STIM1: variants seen among roughly 807,000 people sequenced by gnomAD.
STIM1 encodes the protein stromal interaction molecule 1.
In STIM1, 25 loss-of-function variants were observed where a neutral mutation model predicts 74.7. The observed-to-expected ratio is 0.33, with a 90% CI of 0.24 to 0.47. The LOEUF (loss-of-function observed/expected upper bound fraction) is 0.47. Ranked by LOEUF, STIM1 falls within the 20% of genes least tolerant of loss-of-function variation. The probability of loss-of-function intolerance (pLI) is 1.00; values close to 1 mark genes in which losing one functional copy is unlikely to be tolerated. For missense variants in STIM1, 728 were observed against 920.8 expected (o/e 0.79, Z 2.71); for synonymous variants, 328 against 348.8 (o/e 0.94, Z 0.66).
At chr11:3,885,849 G>A (rs1467623652) in intron 1 of STIM1, among the ~76,000 whole-genome samples, 1 of 152,108 alleles carries the variant, frequency 6.6e-6, no homozygotes, top group African/African-American at 2.4e-5. Flanking sequence ...TGTTGCCCAC[G>A]CTGGTGTCAA....
At chr11:3,857,126 C>G (rs1292990430) in intron 1 of STIM1, among the ~76,000 whole-genome samples, 2 of 80,064 alleles carry the variant, frequency 2.5e-5, no homozygotes, top group Non-Finnish European at 5.1e-5. Context: ...TTTTTTTTCC[C>G]TGAGTCTGCT....
intron 3 of STIM1, among the ~76,000 whole-genome samples, chr11:4,047,715 G>A (rs902485840): frequency 1.3e-5 from 2 of 152,112 alleles, no homozygotes; most frequent in Admixed American, 1.3e-4. Flanking sequence ...AGCTACTCAG[G>A]AAGCTGAGGC....
chr11:4,043,668 A>G (rs541132449), intron 3 of STIM1, among the ~76,000 whole-genome samples: 2 of 152,294 alleles, frequency 1.3e-5, no homozygotes, highest in Non-Finnish European at 2.9e-5. Flanking sequence ...ACATATACGT[A>G]TATTGGCAAT....
intron 1 of STIM1, among the ~76,000 whole-genome samples, chr11:3,966,535 A>G (rs2093342398): frequency 6.6e-6 from 1 of 152,186 alleles, no homozygotes; most frequent in Non-Finnish European, 1.5e-5. Flanking sequence ...TCTATTGCCT[A>G]GGAAGTTAAG....
intron 1 of STIM1, among the ~76,000 whole-genome samples, chr11:3,939,948 G>T (rs1230366178): frequency 6.6e-6 from 1 of 152,142 alleles, no homozygotes; most frequent in African/African-American, 2.4e-5. Flanking sequence ...GTTCCCTAAG[G>T]AGTGGGAAGG....
At chr11:3,861,141 C>T (rs1275615932) in intron 1 of STIM1, among the ~76,000 whole-genome samples, 1 of 151,676 alleles carries the variant, frequency 6.6e-6, no homozygotes, top group African/African-American at 2.4e-5. Context: ...GCTGGATGAT[C>T]ATTAGGCAGA....
intron 3 of STIM1, among the ~76,000 whole-genome samples, chr11:4,030,544 T>C (rs2094041207): frequency 6.6e-6 from 1 of 152,172 alleles, no homozygotes; most frequent in African/African-American, 2.4e-5. Context: ...AAAAATTATT[T>C]TTCTAAGTTA....
intron 3 of STIM1, among the ~76,000 whole-genome samples, chr11:4,036,794 AT>A (rs2094106870): frequency 6.6e-6 from 1 of 152,236 alleles, no homozygotes; most frequent in South Asian, 2.1e-4. Flanking sequence ...ATTTTCTCCC[AT>A]TCTGTACCAT....
chr11:4,008,155 G>T (rs1296995394), intron 2 of STIM1, among the ~76,000 whole-genome samples: 1 of 151,976 alleles, frequency 6.6e-6, no homozygotes, highest in African/African-American at 2.4e-5. Flanking sequence ...TTTTATGTTT[G>T]GATATGTTTA....
chr11:3,901,357 A>G (rs1027917698), intron 1 of STIM1, among the ~76,000 whole-genome samples: 2 of 152,134 alleles, frequency 1.3e-5, no homozygotes, highest in Non-Finnish European at 2.9e-5. Context: ...ATCTTTTTTT[A>G]TCCTCAAAAA....
intron 2 of STIM1, among the ~76,000 whole-genome samples, chr11:4,009,881 C>T (rs957307536): frequency 2.0e-5 from 3 of 152,094 alleles, no homozygotes; most frequent in South Asian, 2.1e-4. Context: ...GGTACGATCA[C>T]GGCTTACCGC....
At chr11:4,007,875 A>C (rs1481048228) in intron 2 of STIM1, among the ~76,000 whole-genome samples, 1 of 152,120 alleles carries the variant, frequency 6.6e-6, no homozygotes, top group Non-Finnish European at 1.5e-5. Flanking sequence ...CTTCAGAAGG[A>C]GCAGCTCTGG....
rs1397784537 is a variant in STIM1 at position 3,857,096 on chromosome 11, G to GTTTTTT, written c.139+693_139+698dup. On this transcript the variant is annotated intron_variant, in intron 1 of 12. Coordinates refer to ENST00000526596, the MANE Select transcript of STIM1 (RefSeq NM_001382567.1). ...TGAGGGTGGGAATTCCATGCTACAG[G>GTTTTTT]TTTTTTTTTTTGTTTTTTTTTTTTT... Among the ~76,000 whole-genome samples the GTTTTTT allele has an allele frequency of 1.4e-3, 107 of 78,008 alleles. 15 individuals carry two copies. The highest frequency in any genetic ancestry group is 2.7e-3 in the South Asian group (5 of 1,862). 51.2% of individuals were successfully genotyped at this position (78,008 alleles called of 152,430 possible). A position where few individuals can be genotyped will look rare whatever the true frequency, so the allele number is the denominator to read the frequency against.
At chr11:3,884,793 AAG>A (rs1491223958) in intron 1 of STIM1, among the ~76,000 whole-genome samples, 1 of 151,462 alleles carries the variant, frequency 6.6e-6, no homozygotes, top group African/African-American at 2.4e-5. Context: ...AAAAAAAAAA[AAG>A]GGGTATGTTT....
At chr11:3,863,847 A>G (rs2090738723) in intron 1 of STIM1, among the ~76,000 whole-genome samples, 1 of 152,124 alleles carries the variant, frequency 6.6e-6, no homozygotes, top group African/African-American at 2.4e-5. Context: ...TTGCTGACAT[A>G]TTGTTACAAT....
chr11:4,082,780 T>C (rs2094471991), intron 8 of STIM1, 102 bp from the exon 9 acceptor site: 1 of 898,166 alleles, frequency 1.1e-6, no homozygotes, highest in Non-Finnish European at 1.8e-6. Context: ...ACAGCCTCAG[T>C]TGTGCTAGGA....
At chr11:3,898,297 C>T (rs2092248295) in intron 1 of STIM1, among the ~76,000 whole-genome samples, 2 of 141,892 alleles carry the variant, frequency 1.4e-5, no homozygotes, top group African/African-American at 5.4e-5. Context: ...TGTCTTTTGG[C>T]TGCATAAATG....
chr11:3,914,672 C>A (rs1483521903), intron 1 of STIM1, among the ~76,000 whole-genome samples: 1 of 152,168 alleles, frequency 6.6e-6, no homozygotes, highest in East Asian at 1.9e-4. Context: ...AATCTCCTGA[C>A]CTCGTGATCC....
At chr11:4,036,090 A>G (rs904554944) in intron 3 of STIM1, among the ~76,000 whole-genome samples, 1 of 152,092 alleles carries the variant, frequency 6.6e-6, no homozygotes, top group African/African-American at 2.4e-5. Flanking sequence ...CTCACTTGCA[A>G]GTGAGAACAT....
Sources: allele counts gnomAD v4.1 joint callset (sites outside exome capture counted in the v4.1 genomes callset), GRCh38; gene constraint gnomAD v4.1.1; transcripts MANE v1.5; gene names NCBI Gene and HGNC (gene_info 2026-07-23, HGNC 2026-07-21).